The following ALDH1L2 variants were observed in gnomAD, a reference collection of about 807,000 sequenced individuals.
ALDH1L2 encodes the protein mitochondrial 10-formyltetrahydrofolate dehydrogenase.
ALDH1L2 carries 91 observed loss-of-function variants against 111.0 expected under a neutral mutation model. The observed-to-expected ratio is 0.82, with a 90% CI of 0.69 to 0.98. ALDH1L2 has a LOEUF of 0.98. ALDH1L2 is among the 50% of genes least tolerant of loss of function. ALDH1L2 has a pLI of 0.00. For synonymous variants in ALDH1L2, 374 were observed against 392.6 expected (o/e 0.95, Z 0.56); for missense variants, 995 against 1,126.8 (o/e 0.88, Z 1.67).
At position 105,070,592 on chromosome 12, in the gene ALDH1L2, T is replaced by C; in HGVS notation, c.406A>G (p.Arg136Gly). Residue 136 changes from arginine (R) to glycine (G), a missense_variant, in exon 3 of 23, where the codon AGA becomes GGA. By Grantham distance (125) the Arg-to-Gly change is moderately radical (BLOSUM62 -2). Coordinates refer to ENST00000258494, the MANE Select transcript of ALDH1L2 (RefSeq NM_001034173.4). ...CACCAATTGATAGCAGAGGCTCCTC[T>C]GTGCCTGGGCAGGATGGATGGGTGA... Reference protein sequence around the residue: ...IYHPSILPRHRGASAINWTLI... With the variant: ...IYHPSILPRHGGASAINWTLI... 6.2e-7 allele frequency: 1 copy of C among 1,613,108 alleles called. No individual in the cohort carries two copies. Among genetic ancestry groups the C allele is most frequent in the Non-Finnish European group, 8.5e-7 (1 of 1,179,450 alleles).
chr12:105,071,614 G>GCATATATATATATATATATATA (rs56056622), intron 2 of ALDH1L2, among the ~76,000 whole-genome samples: 8 of 25,270 alleles, frequency 3.2e-4, no homozygotes, highest in Non-Finnish European at 5.2e-4. Context: ...TATATAAGTA[G>GCATATATATATATATATATATA]TATATATATA....
chr12:105,029,730 A>G (rs181292990), intron 21 of ALDH1L2, among the ~76,000 whole-genome samples: 27 of 152,144 alleles, frequency 1.8e-4, no homozygotes, highest in African/African-American at 6.5e-4. Context: ...ATCTAAAGCC[A>G]TTCTGAAGAA....
chr12:105,046,231 T>A (rs1307654047), intron 15 of ALDH1L2, among the ~76,000 whole-genome samples: 73 of 111,554 alleles, frequency 6.5e-4, no homozygotes, highest in East Asian at 2.0e-3. Context: ...ATTTTTTTTT[T>A]TTTTTTTTTT....
chr12:105,029,024 A>ATTTT (rs770703019), intron 21 of ALDH1L2, among the ~76,000 whole-genome samples: 57 of 138,234 alleles, frequency 4.1e-4, no homozygotes, highest in South Asian at 2.3e-3. Context: ...ATCTGCTTAA[A>ATTTT]TTTTTTTTTT....
At chr12:105,044,834 A>G (rs4310693) in intron 15 of ALDH1L2, among the ~76,000 whole-genome samples, 55,941 of 151,392 alleles carry the variant, frequency 0.37, 10,573 homozygotes, top group South Asian at 0.51. Context: ...TTATGGATTG[A>G]TTAAGTAAAA....
intron 3 of ALDH1L2, among the ~76,000 whole-genome samples, chr12:105,069,949 CATTTCAAGTAATTACTTGATGATT>C (rs1877581290): frequency 1.3e-5 from 2 of 152,190 alleles, no homozygotes; most frequent in Non-Finnish European, 2.9e-5. Flanking sequence ...ATCATTTCAT[CATTTCAAGTAATTACTTGATGATT>C]ATTTCAAGTA....
intron 10 of ALDH1L2, among the ~76,000 whole-genome samples, chr12:105,056,305 C>A (rs1876627378): frequency 6.6e-6 from 1 of 152,008 alleles, no homozygotes; most frequent in Non-Finnish European, 1.5e-5. Context: ...CTATACCCAA[C>A]AAAAATATCC....
rs755545358 is a variant in ALDH1L2, at chr12:105,047,010, A to C, written c.1687-41T>G. On this transcript the variant is annotated intron_variant, in intron 13 of 22. Transcript: ENST00000258494. ...AGTTGATACTTATTTTACTAATTTA[A>C]ATAAGTAAATTTCATCTCAAAGGAT... 8.6e-5 allele frequency: 137 copies of C among 1,587,430 alleles called. 2 individuals carry two copies. In the Middle Eastern group the frequency reaches 1.6e-3, roughly 19 times the overall value.
In ALDH1L2 at chr12:105,021,760, G is replaced by A. The variant is rs924459853; in HGVS notation, c.*2664C>T. ...GTAGCTGTCATATCGTATTATTATT[G>A]ACAGAAGGCCCATACTGGAGTTGGG... is the stretch of plus-strand genomic sequence containing the variant. On this transcript the variant is annotated 3_prime_UTR_variant, in exon 23 of 23. Transcript: ENST00000258494. The A allele has an allele frequency of 3.9e-5, 6 of 152,110 alleles. No individual in the cohort carries two copies. Among genetic ancestry groups the A allele is most frequent in the African/African-American group, 1.4e-4 (6 of 41,424 alleles). The allele number at this position is 152,110 out of a possible 1,614,324, so 9.4% of individuals were successfully genotyped here.
chr12:105,036,014 A>G (rs573368309), intron 18 of ALDH1L2, among the ~76,000 whole-genome samples: 4 of 113,524 alleles, frequency 3.5e-5, no homozygotes, highest in Non-Finnish European at 6.5e-5. Context: ...ATATGTGTAT[A>G]TATATTATAT....
At chr12:105,057,980 TA>T in intron 10 of ALDH1L2, 92 bp downstream of exon 10, 1 of 1,382,294 alleles carries the variant, frequency 7.2e-7, no homozygotes, top group Non-Finnish European at 9.5e-7. Flanking sequence ...TTAAAGGTCA[TA>T]AATATAAAAA....
chr12:105,074,140 C>T, intron 1 of ALDH1L2, 135 bp from the exon 2 acceptor site: 1 of 1,132,450 alleles, frequency 8.8e-7, no homozygotes, highest in Non-Finnish European at 1.2e-6. Flanking sequence ...CAGACTTCAC[C>T]ACTACTCAAT....
intron 20 of ALDH1L2, among the ~76,000 whole-genome samples, chr12:105,030,813 T>C (rs1487719263): frequency 1.3e-5 from 2 of 152,240 alleles, no homozygotes; most frequent in Admixed American, 6.5e-5. Context: ...TACAGTGTCA[T>C]GCTTAACAAA....
chr12:105,066,193 T>C (rs1428298743), intron 5 of ALDH1L2, among the ~76,000 whole-genome samples: 1 of 152,224 alleles, frequency 6.6e-6, no homozygotes, highest in East Asian at 1.9e-4. Context: ...TTTGACATTT[T>C]AACTGCAGAG....
chr12:105,078,534 C>T lies in ALDH1L2; in HGVS notation c.49-4529G>A, dbSNP rs545600842. Among the ~76,000 whole-genome samples the T allele has an allele frequency of 1.1e-4, 17 of 152,304 alleles. No individual in the cohort carries two copies. The East Asian group carries it at 2.5e-3, about 23-fold the overall frequency. On this transcript the variant is annotated intron_variant, in intron 1 of 22. Coordinates refer to ENST00000258494, the MANE Select transcript of ALDH1L2 (RefSeq NM_001034173.4). ...GCGCCGTATAGCAACAGTCAGCTAG[C>T]GCTGAGCAGTGGTGGCCCCTTTACC...
In ALDH1L2 at chr12:105,030,378, A is replaced by C; in HGVS notation, c.2462T>G (p.Leu821Arg). 6.2e-7 allele frequency: 1 copy of C among 1,613,680 alleles called. No homozygotes were observed. The highest frequency in any genetic ancestry group is 1.7e-5 in the Admixed American group (1 of 59,992). ...AGGCCCAAAGGATTCCTCTTTGGCGAGGTACATGTAGTCTTCCACATCTGT... is the reference window on the plus strand; with the variant it reads ...AGGCCCAAAGGATTCCTCTTTGGCGCGGTACATGTAGTCTTCCACATCTGT... ...VFTDVEDYMYLAKEESFGPIM... is the reference protein window; with the variant it reads ...VFTDVEDYMYRAKEESFGPIM... Residue 821 changes from leucine (L) to arginine (R), a missense_variant, in exon 21 of 23, where the codon CTC becomes CGC. Leu to Arg is a moderately radical substitution (Grantham distance 102, BLOSUM62 -2). Coordinates refer to ENST00000258494, the MANE Select transcript of ALDH1L2 (RefSeq NM_001034173.4).
intron 10 of ALDH1L2, among the ~76,000 whole-genome samples, chr12:105,054,709 A>C (rs998814531): frequency 6.6e-6 from 1 of 152,122 alleles, no homozygotes; most frequent in Non-Finnish European, 1.5e-5. Context: ...GGGTCTCACT[A>C]TGTTATCCAG....
At chr12:105,042,214 G>A (rs1309820049) in intron 15 of ALDH1L2, among the ~76,000 whole-genome samples, 5 of 152,076 alleles carry the variant, frequency 3.3e-5, no homozygotes, top group Non-Finnish European at 2.9e-5. Context: ...TCTTAGGGTC[G>A]ATTCTATCCT....
intron 10 of ALDH1L2, among the ~76,000 whole-genome samples, chr12:105,057,684 G>A (rs1413653845): frequency 6.6e-6 from 1 of 152,156 alleles, no homozygotes; most frequent in East Asian, 1.9e-4. Flanking sequence ...CTATTTATAT[G>A]AAATCTCTAA....
Sources: allele counts gnomAD v4.1 joint callset (sites outside exome capture counted in the v4.1 genomes callset), GRCh38; gene constraint gnomAD v4.1.1; transcripts MANE v1.5; gene names NCBI Gene and HGNC (gene_info 2026-07-23, HGNC 2026-07-21).